The following KCNMA1 variants were observed in gnomAD, a reference collection of about 807,000 sequenced individuals.
KCNMA1 encodes the protein Calcium-activated potassium channel subunit alpha-1.
A neutral mutation model predicts 140.0 loss-of-function variants in KCNMA1; 29 were observed. The ratio of observed to expected loss-of-function variants is 0.21; its 90% CI spans 0.15 to 0.28. The LOEUF (loss-of-function observed/expected upper bound fraction) is 0.28. KCNMA1 is among the 10% of genes least tolerant of loss of function. The probability of loss-of-function intolerance (pLI) is 1.00; values close to 1 mark genes in which losing one functional copy is unlikely to be tolerated. For synonymous variants in KCNMA1, 612 were observed against 611.9 expected, an observed-to-expected ratio of 1.00 and a Z score of 0.00; for missense variants, 880 against 1,602.2, an observed-to-expected ratio of 0.55 and a Z score of 7.70.
At chr10:77,602,122 G>A (rs976194466) in intron 1 of KCNMA1, among the ~76,000 whole-genome samples, 1 of 152,206 alleles carries the variant, frequency 6.6e-6, no homozygotes, top group African/African-American at 2.4e-5. Context: ...ACTCACCAAT[G>A]CCTGACAGCA....
At chr10:77,388,807 A>G (rs995967047) in intron 2 of KCNMA1, among the ~76,000 whole-genome samples, 4 of 152,150 alleles carry the variant, frequency 2.6e-5, no homozygotes, top group African/African-American at 9.7e-5. Flanking sequence ...GAGGAATTGT[A>G]TCTCTTGGTG....
rs945939329 is a variant in KCNMA1 at position 77,283,268 on chromosome 10, C to T, written c.541-32012G>A. ...CACCAATAATTTAAGTAAGAACTTTCTATTTTCTCCTCTACCAATCTCAGA... is the reference window on the plus strand; with the variant it reads ...CACCAATAATTTAAGTAAGAACTTTTTATTTTCTCCTCTACCAATCTCAGA... On this transcript the variant is annotated intron_variant, in intron 2 of 27. Coordinates refer to ENST00000286628, the MANE Select transcript of KCNMA1 (RefSeq NM_001161352.2). Among the ~76,000 whole-genome samples, 12 of 152,178 alleles carry T rather than the reference C, an allele frequency of 7.9e-5. No homozygotes were observed. In the East Asian group the frequency reaches 2.3e-3, roughly 29 times the overall value.
At chr10:77,290,044 G>A (rs184242689) in intron 2 of KCNMA1, among the ~76,000 whole-genome samples, 26 of 152,200 alleles carry the variant, frequency 1.7e-4, no homozygotes, top group African/African-American at 5.5e-4. Context: ...GGAAGGAGGC[G>A]GTTCGATGCG....
intron 19 of KCNMA1, chr10:76,977,757 C>G (rs1269413669): frequency 3.1e-6 from 2 of 647,410 alleles, no homozygotes; most frequent in South Asian, 3.5e-5. Context: ...TACCACCCAA[C>G]CTGCTATTAG....
At chr10:77,326,156 C>T (rs1463314210) in intron 2 of KCNMA1, among the ~76,000 whole-genome samples, 4 of 152,174 alleles carry the variant, frequency 2.6e-5, no homozygotes, top group African/African-American at 9.7e-5. Context: ...CTGAGTCTAA[C>T]CCACAACTTC....
At chr10:77,436,578 G>A (rs892032270) in intron 1 of KCNMA1, among the ~76,000 whole-genome samples, 2 of 152,140 alleles carry the variant, frequency 1.3e-5, no homozygotes, top group East Asian at 1.9e-4. Flanking sequence ...CTCCCAGCAG[G>A]GTTAAGAATC....
intron 5 of KCNMA1, among the ~76,000 whole-genome samples, chr10:77,128,784 T>C (rs1194367900): frequency 6.6e-6 from 1 of 152,228 alleles, no homozygotes; most frequent in Non-Finnish European, 1.5e-5. Context: ...ACACTAATTT[T>C]CTACACTTGC....
At chr10:77,462,698 C>G (rs1021706028) in intron 1 of KCNMA1, among the ~76,000 whole-genome samples, 2 of 152,224 alleles carry the variant, frequency 1.3e-5, no homozygotes, top group Non-Finnish European at 2.9e-5. Context: ...GAGAGAGTCC[C>G]GCCCACCCAC....
At chr10:77,066,970 G>A (rs1350620703) in intron 14 of KCNMA1, among the ~76,000 whole-genome samples, 1 of 152,130 alleles carries the variant, frequency 6.6e-6, no homozygotes, top group Admixed American at 6.6e-5. Context: ...TCTGCTTCTG[G>A]TATGCCTCCT....
At chr10:77,079,403 T>TGTGTGTGA (rs1555210688) in intron 13 of KCNMA1, 78 bp downstream of exon 13, 18 of 799,258 alleles carry the variant, frequency 2.3e-5, no homozygotes, top group Non-Finnish European at 1.8e-5. Context: ...TGTGTGTGTG[T>TGTGTGTGA]GAGCCTGTAT....
intron 1 of KCNMA1, among the ~76,000 whole-genome samples, chr10:77,416,480 G>A (rs1371745217): frequency 3.3e-5 from 5 of 152,200 alleles, no homozygotes; most frequent in African/African-American, 9.7e-5. Context: ...CACCACCCAA[G>A]GGGCAACTGG....
chr10:77,008,002 C>T (rs985993702), intron 18 of KCNMA1, among the ~76,000 whole-genome samples: 2 of 151,986 alleles, frequency 1.3e-5, no homozygotes, highest in African/African-American at 4.8e-5. Context: ...TCTCTGGCTC[C>T]AGGCTACTCT....
At chr10:77,462,775 C>T (rs35019199) in intron 1 of KCNMA1, among the ~76,000 whole-genome samples, 1 of 152,182 alleles carries the variant, frequency 6.6e-6, no homozygotes, top group Non-Finnish European at 1.5e-5. Context: ...TGAATGAAGT[C>T]GTCTCATGCC....
At chr10:77,440,613 T>C (rs1291088745) in intron 1 of KCNMA1, among the ~76,000 whole-genome samples, 1 of 152,124 alleles carries the variant, frequency 6.6e-6, no homozygotes, top group Non-Finnish European at 1.5e-5. Flanking sequence ...AGGGAGAACA[T>C]GATTAATTGT....
intron 5 of KCNMA1, among the ~76,000 whole-genome samples, chr10:77,145,304 A>G (rs1404911748): frequency 6.6e-6 from 1 of 152,212 alleles, no homozygotes; most frequent in Non-Finnish European, 1.5e-5. Flanking sequence ...TTCAAGATAA[A>G]TCTGTTCATC....
intron 19 of KCNMA1, chr10:76,970,363 C>A: frequency 5.7e-6 from 2 of 349,694 alleles, no homozygotes; most frequent in Non-Finnish European, 1.1e-5. Flanking sequence ...CATGATTTAT[C>A]TGTATACCAA....
At chr10:77,184,062 TCACA>T (rs3068684) in intron 4 of KCNMA1, among the ~76,000 whole-genome samples, 31 of 148,010 alleles carry the variant, frequency 2.1e-4, no homozygotes, top group South Asian at 8.7e-4. Context: ...ATGTACGCAT[TCACA>T]CACACACACA....
chr10:77,282,817 C>T (rs527568611), intron 2 of KCNMA1, among the ~76,000 whole-genome samples: 13 of 152,194 alleles, frequency 8.5e-5, no homozygotes, highest in South Asian at 2.1e-4. Flanking sequence ...CAAATTCAGC[C>T]GGGGCAACAT....
chr10:77,347,997 C>T (rs2092408021), intron 2 of KCNMA1, among the ~76,000 whole-genome samples: 1 of 152,270 alleles, frequency 6.6e-6, no homozygotes, highest in African/African-American at 2.4e-5. Context: ...GTGCTGAAAA[C>T]TTGGGATTCA....
Sources: gnomAD v4.1 joint callset for allele counts (sites outside exome capture counted in the v4.1 genomes callset) on GRCh38, gnomAD v4.1.1 for gene constraint, MANE v1.5 for transcripts, NCBI Gene and HGNC (gene_info 2026-07-23, HGNC 2026-07-21) for gene names.